The following WDR41 variants were observed in gnomAD, a reference collection of about 807,000 sequenced individuals.
WDR41 encodes the protein WD repeat-containing protein 41.
A neutral mutation model predicts 69.3 loss-of-function variants in WDR41; 63 were observed. The ratio of observed to expected loss-of-function variants is 0.91; its 90% confidence interval spans 0.74 to 1.12. The LOEUF is 1.12. Ranked by LOEUF, WDR41 falls within the 50% of genes most tolerant of loss-of-function variation. The probability of loss-of-function intolerance (pLI) is 0.00; values close to 1 mark genes in which losing one functional copy is unlikely to be tolerated. For missense variants in WDR41, 543 were observed against 534.5 expected (o/e 1.02, Z -0.16); for synonymous variants, 185 against 192.1 (o/e 0.96, Z 0.31).
chr5:77,486,839 C>A (rs335668), intron 2 of WDR41, among the ~76,000 whole-genome samples: 86,779 of 152,006 alleles, frequency 0.57, 26,699 homozygotes, highest in African/African-American at 0.8. Context: ...GAATAATGAG[C>A]TAAATAGATG....
At chr5:77,575,087 G>GAT (rs1228767825) in intron 1 of WDR41, among the ~76,000 whole-genome samples, 1 of 152,074 alleles carries the variant, frequency 6.6e-6, no homozygotes, top group Non-Finnish European at 1.5e-5. Flanking sequence ...TTCCTACTGA[G>GAT]ATATAGGAAT....
At chr5:77,470,631 ACT>A (rs1000477807) in intron 2 of WDR41, among the ~76,000 whole-genome samples, 1 of 152,160 alleles carries the variant, frequency 6.6e-6, no homozygotes. Context: ...TTGCAATCCT[ACT>A]CTCTGATAAA....
intron 5 of WDR41, among the ~76,000 whole-genome samples, chr5:77,457,625 T>G (rs1799885966): frequency 6.6e-6 from 1 of 152,144 alleles, no homozygotes; most frequent in African/African-American, 2.4e-5. Flanking sequence ...TCATATCAAT[T>G]TATAGTCTCA....
intron 1 of WDR41, among the ~76,000 whole-genome samples, chr5:77,618,291 C>T (rs1332324424): frequency 6.6e-6 from 1 of 152,018 alleles, no homozygotes; most frequent in East Asian, 1.9e-4. Flanking sequence ...AAATGTCTGG[C>T]ATAGGAAAAA....
intron 6 of WDR41, chr5:77,451,576 T>C (rs1001154878): frequency 3.8e-5 from 18 of 469,936 alleles, no homozygotes; most frequent in Non-Finnish European, 6.1e-5. Flanking sequence ...GAGCAGAATA[T>C]GGGGTTGGGT....
At position 77,530,349 on chromosome 5, in the gene WDR41, A is replaced by G. The variant is rs182344394; in HGVS notation, c.43-40777T>C. Among the ~76,000 whole-genome samples, 290 of 151,758 alleles carry G rather than the reference A, an allele frequency of 1.9e-3. 2 individuals carry two copies. Among genetic ancestry groups the G allele is most frequent in the Admixed American group, 0.016 (248 of 15,228 alleles). On this transcript the variant is annotated intron_variant, in intron 1 of 5. Coordinates refer to the WDR41 transcript ENST00000509971. The stretch of plus-strand genomic sequence containing the variant: ...TGTTGATTGCATCTTTATTAATAAG[A>G]GCCCTGGACTGGAAATAACCCAGGT...
chr5:77,449,402 G>A (rs1458036733), intron 8 of WDR41, among the ~76,000 whole-genome samples: 6 of 152,162 alleles, frequency 3.9e-5, no homozygotes, highest in African/African-American at 1.4e-4. Context: ...TGGACAGCAA[G>A]ACAAAAGGGC....
chr5:77,526,740 G>A (rs149296946), intron 1 of WDR41, among the ~76,000 whole-genome samples: 1 of 151,972 alleles, frequency 6.6e-6, no homozygotes, highest in African/African-American at 2.4e-5. Context: ...CATTAAAAAG[G>A]CCTTTTTATA....
At chr5:77,467,762 A>G (rs1027259687) in intron 2 of WDR41, among the ~76,000 whole-genome samples, 1 of 152,084 alleles carries the variant, frequency 6.6e-6, no homozygotes, top group African/African-American at 2.4e-5. Context: ...TGTGAAATAG[A>G]TTGATTAATG....
chr5:77,518,224 C>T (rs1581783015), intron 1 of WDR41, among the ~76,000 whole-genome samples: 1 of 152,016 alleles, frequency 6.6e-6, no homozygotes, highest in Admixed American at 6.6e-5. Flanking sequence ...TGGTTTGACC[C>T]TGTAACCCTA....
chr5:77,506,887 G>T (rs186921535), intron 1 of WDR41, among the ~76,000 whole-genome samples: 248 of 152,156 alleles, frequency 1.6e-3, no homozygotes, highest in African/African-American at 5.8e-3. Flanking sequence ...GGGCCTGTAG[G>T]GGGTGGGGAG....
intron 1 of WDR41, among the ~76,000 whole-genome samples, chr5:77,590,850 G>C (rs1174965623): frequency 6.6e-6 from 1 of 152,170 alleles, no homozygotes; most frequent in Admixed American, 6.5e-5. Flanking sequence ...TCTTTGTCAG[G>C]TTTTGTTAGA....
intron 1 of WDR41, among the ~76,000 whole-genome samples, chr5:77,596,135 T>C (rs1252604965): frequency 6.6e-6 from 1 of 152,178 alleles, no homozygotes; most frequent in Non-Finnish European, 1.5e-5. Flanking sequence ...AATATAACAT[T>C]TAATCCTGAT....
chr5:77,565,627 G>A (rs1743611179), intron 1 of WDR41, among the ~76,000 whole-genome samples: 1 of 152,006 alleles, frequency 6.6e-6, no homozygotes, highest in Non-Finnish European at 1.5e-5. Flanking sequence ...AAGACTCAAA[G>A]ATTCCTTCCC....
At chr5:77,474,447 A>G (rs182053868) in intron 2 of WDR41, among the ~76,000 whole-genome samples, 1,578 of 152,276 alleles carry the variant, frequency 0.01, 11 homozygotes, top group Non-Finnish European at 0.016. Context: ...AACAAAAAAA[A>G]TCACAATTTT....
chr5:77,496,642 A>G (rs895647511), upstream of WDR41, among the ~76,000 whole-genome samples: 6 of 152,110 alleles, frequency 3.9e-5, no homozygotes, highest in Non-Finnish European at 7.4e-5. Context: ...AAGACGTCCA[A>G]GCTCTTGGAT....
chr5:77,536,687 C>A (rs1742989614), intron 1 of WDR41, among the ~76,000 whole-genome samples: 1 of 152,154 alleles, frequency 6.6e-6, no homozygotes, highest in Admixed American at 6.5e-5. Flanking sequence ...TATTGGGTTA[C>A]AATTCCCTAT....
At chr5:77,476,933 C>A (rs942575127) in intron 2 of WDR41, among the ~76,000 whole-genome samples, 1 of 144,214 alleles carries the variant, frequency 6.9e-6, no homozygotes, top group Admixed American at 6.9e-5. Context: ...AAATCCATCT[C>A]ACGTGCAGAG....
At chr5:77,531,944 T>C (rs536460743) in intron 1 of WDR41, among the ~76,000 whole-genome samples, 11 of 152,040 alleles carry the variant, frequency 7.2e-5, no homozygotes, top group African/African-American at 2.4e-4. Context: ...TGCCAGGGAC[T>C]AGGGGGAGGG....
Sources: gnomAD v4.1 joint callset for allele counts (sites outside exome capture counted in the v4.1 genomes callset) on GRCh38, gnomAD v4.1.1 for gene constraint, MANE v1.5 for transcripts, NCBI Gene and HGNC (gene_info 2026-07-23, HGNC 2026-07-21) for gene names.